MSTO1: variants seen among roughly 807,000 people sequenced by gnomAD.
The protein encoded by MSTO1 is protein misato homolog 1.
A neutral mutation model predicts 55.7 loss-of-function variants in MSTO1; 24 were observed. The ratio of observed to expected loss-of-function variants is 0.43; its 90% confidence interval spans 0.31 to 0.61. The LOEUF (loss-of-function observed/expected upper bound fraction) is 0.61, where lower values mean the gene tolerates loss of function less well. Among genes scored for constraint, MSTO1 ranks in the 20% least tolerant of loss-of-function variants. MSTO1 has a pLI of 0.09. For missense variants in MSTO1, 363 were observed against 625.7 expected, an observed-to-expected ratio of 0.58 and a Z score of 4.48; for synonymous variants, 162 against 252.8, an observed-to-expected ratio of 0.64 and a Z score of 3.41.
At chr1:155,612,365 A>T in intron 8 of MSTO1, 49 bp downstream of exon 8, 1 of 1,581,862 alleles carries the variant, frequency 6.3e-7, no homozygotes, top group Non-Finnish European at 8.6e-7. Context: ...GGAGGGAGAA[A>T]TCAGAATCCC....
At chr1:155,585,475 A>G in the MSTO1 span, among the ~76,000 whole-genome samples, 2 of 150,840 alleles carry the variant, frequency 1.3e-5, no homozygotes, top group Non-Finnish European at 2.9e-5. Flanking sequence ...GTGAGCTGAG[A>G]TCGCGCCACT....
rs1319550733 is a variant in MSTO1, at chr1:155,612,414, C to T, written c.814-4C>T. 1 of 1,609,028 alleles carries T rather than the reference C, an allele frequency of 6.2e-7. No homozygotes were observed. The highest frequency in any genetic ancestry group is 1.3e-5 in the African/African-American group (1 of 74,652). ...CTTAATACAAACTACTCTTTCTTCACCAGGAGGCCCAGAGAAACATCTATC... is the reference window on the plus strand; with the variant it reads ...CTTAATACAAACTACTCTTTCTTCATCAGGAGGCCCAGAGAAACATCTATC... On this transcript the variant is annotated splice_polypyrimidine_tract_variant and splice_region_variant and intron_variant, in intron 8 of 13. Coordinates refer to ENST00000245564, the MANE Select transcript of MSTO1 (RefSeq NM_018116.4).
At chr1:155,567,460 C>T in the MSTO1 span, among the ~76,000 whole-genome samples, 9 of 152,012 alleles carry the variant, frequency 5.9e-5, no homozygotes, top group East Asian at 1.7e-3. Flanking sequence ...TACAGGCGCC[C>T]GCCACTGCGC....
At chr1:155,565,976 T>G in the MSTO1 span, 1 of 152,204 alleles carries the variant, frequency 6.6e-6, no homozygotes, top group African/African-American at 2.4e-5. Context: ...GGAATTAAGG[T>G]TGCTAATCAG....
chr1:155,574,326 A>T, the MSTO1 span, among the ~76,000 whole-genome samples: 1 of 152,200 alleles, frequency 6.6e-6, no homozygotes, highest in Admixed American at 6.5e-5. Flanking sequence ...AGCCTAGGTG[A>T]CAGAGCAAGA....
At chr1:155,573,139 C>A in the MSTO1 span, among the ~76,000 whole-genome samples, 3 of 152,132 alleles carry the variant, frequency 2.0e-5, no homozygotes, top group Non-Finnish European at 4.4e-5. Context: ...CATGGACATA[C>A]AGGCAGTGGT....
chr1:155,578,828 G>GTT, the MSTO1 span, among the ~76,000 whole-genome samples: 7 of 112,954 alleles, frequency 6.2e-5, no homozygotes, highest in African/African-American at 6.6e-5. Context: ...TTTTTTTTTT[G>GTT]TTTTTTTTTT....
At chr1:155,582,170 C>T in the MSTO1 span, among the ~76,000 whole-genome samples, 2 of 152,074 alleles carry the variant, frequency 1.3e-5, no homozygotes, top group African/African-American at 4.8e-5. Flanking sequence ...GGATTACAGG[C>T]GTGAGCCACC....
At chr1:155,579,317 ACAAG>A in the MSTO1 span, among the ~76,000 whole-genome samples, 2 of 146,106 alleles carry the variant, frequency 1.4e-5, no homozygotes, top group African/African-American at 5.0e-5. Context: ...CCATCTCAAA[ACAAG>A]CAAACAAACA....
chr1:155,576,103 T>A, the MSTO1 span, among the ~76,000 whole-genome samples: 3 of 152,072 alleles, frequency 2.0e-5, no homozygotes, highest in Non-Finnish European at 4.4e-5. Flanking sequence ...ATTACAGGTG[T>A]GAGCCACCCC....
At chr1:155,599,563 C>T in the MSTO1 span, among the ~76,000 whole-genome samples, 3 of 152,160 alleles carry the variant, frequency 2.0e-5, no homozygotes, top group Admixed American at 1.3e-4. Flanking sequence ...CCCTCCACAC[C>T]TGTGGGTGTT....
the MSTO1 span, among the ~76,000 whole-genome samples, chr1:155,591,726 G>A: frequency 6.6e-6 from 1 of 151,686 alleles, no homozygotes. Flanking sequence ...GGAGGCAGAG[G>A]TTGCAGTGAG....
chr1:155,578,712 G>A, the MSTO1 span, among the ~76,000 whole-genome samples: 2 of 149,896 alleles, frequency 1.3e-5, no homozygotes, highest in African/African-American at 2.4e-5. Context: ...GGGTTTCACC[G>A]TGTTAGCCAA....
At chr1:155,577,301 G>A in the MSTO1 span, among the ~76,000 whole-genome samples, 2 of 151,562 alleles carry the variant, frequency 1.3e-5, no homozygotes, top group African/African-American at 4.8e-5. Context: ...TGTTAGCCAG[G>A]ATGGTCTCGA....
Position 155,611,691 on chromosome 1 carries a change from T to G in MSTO1, c.424T>G (p.Ser142Ala), listed in dbSNP as rs1401438105. 9.7e-7 allele frequency: 1 copy of G among 1,027,810 alleles called. No individual in the cohort carries two copies. Among genetic ancestry groups the G allele is most frequent in the East Asian group, 2.6e-5 (1 of 38,660 alleles). The allele number at this position is 1,027,810 out of a possible 1,614,324, so 63.7% of individuals were successfully genotyped here. ...RVKSIPNGKG[S>A]SPLPTATTPK... ...ACATTTCCTCTGCTTGTCTTCAGGT[T>G]CCTCACCACTCCCCACCGCTACAAC... is the stretch of plus-strand genomic sequence containing the variant. The change falls in exon 6 of 14, where the codon TCC becomes GCC. Residue 142 changes from serine to alanine, a missense_variant and splice_region_variant. Physicochemically the swap from Ser to Ala is moderately conservative, Grantham distance 99. Transcript: ENST00000245564.
chr1:155,577,837 T>C, the MSTO1 span, among the ~76,000 whole-genome samples: 8 of 152,274 alleles, frequency 5.3e-5, 1 homozygote, highest in East Asian at 1.5e-3. Context: ...TTTCGACTTC[T>C]CAGGCTCAAG....
chr1:155,613,583 C>G lies in MSTO1; in HGVS notation c.1388+17C>G. On this transcript the variant is annotated intron_variant, in intron 12 of 13. Transcript: ENST00000245564. Reference sequence around the variant, plus strand: ...AGTCATGAGGTCAGTGTAACGGTTGCTCCTGCCCTTCTTGCCAACCGCAAC... The same window carrying G: ...AGTCATGAGGTCAGTGTAACGGTTGGTCCTGCCCTTCTTGCCAACCGCAAC... 1 of 1,598,928 alleles carries G rather than the reference C, an allele frequency of 6.3e-7. No individual in the cohort carries two copies. Among genetic ancestry groups the G allele is most frequent in the Non-Finnish European group, 8.6e-7 (1 of 1,169,430 alleles).
chr1:155,612,715 A>G, intron 9 of MSTO1, 129 bp from the exon 10 acceptor site: 1 of 1,414,580 alleles, frequency 7.1e-7, no homozygotes, highest in Non-Finnish European at 9.7e-7. Flanking sequence ...ACACTGTCCT[A>G]TGCTTGTCCA....
chr1:155,581,698 G>A, the MSTO1 span, among the ~76,000 whole-genome samples: 3 of 152,010 alleles, frequency 2.0e-5, no homozygotes, highest in Non-Finnish European at 2.9e-5. Flanking sequence ...CACTGCGCCC[G>A]GCATGGAGAA....
Sources: allele counts gnomAD v4.1 joint callset (sites outside exome capture counted in the v4.1 genomes callset), GRCh38; gene constraint gnomAD v4.1.1; transcripts MANE v1.5; gene names NCBI Gene and HGNC (gene_info 2026-07-23, HGNC 2026-07-21).